Variants in CADPS observed in about 807,000 individuals in gnomAD.
CADPS encodes calcium dependent secretion activator.
Under a neutral mutation model 167.3 loss-of-function variants are expected in CADPS, and 57 were observed. That is an observed-to-expected ratio of 0.34 (90% CI 0.28 to 0.42). The LOEUF is 0.42. CADPS is among the 20% of genes least tolerant of loss of function. The pLI, the probability that CADPS is intolerant of heterozygous loss-of-function variation, is 1.00. For synonymous variants in CADPS, 676 were observed against 635.3 expected (o/e 1.06, Z -0.96); for missense variants, 1,414 against 1,738.1 (o/e 0.81, Z 3.32).
At chr3:62,734,599 T>C (rs1221868157) in intron 3 of CADPS, among the ~76,000 whole-genome samples, 2 of 152,188 alleles carry the variant, frequency 1.3e-5, no homozygotes, top group Non-Finnish European at 2.9e-5. Flanking sequence ...CAATACAATG[T>C]CTATGAGATT....
intron 9 of CADPS, among the ~76,000 whole-genome samples, chr3:62,568,916 G>A (rs2080788846): frequency 6.6e-6 from 1 of 152,056 alleles, no homozygotes; most frequent in Admixed American, 6.5e-5. Context: ...TACTTCTGCT[G>A]TTTGCATATG....
At chr3:62,664,543 T>C (rs531669291) in intron 3 of CADPS, among the ~76,000 whole-genome samples, 92 of 152,330 alleles carry the variant, frequency 6.0e-4, no homozygotes, top group African/African-American at 2.2e-3. Context: ...TTTATTCCCT[T>C]GGGAAGCCCA....
At chr3:62,700,124 C>A (rs1048747781) in intron 3 of CADPS, among the ~76,000 whole-genome samples, 1 of 151,996 alleles carries the variant, frequency 6.6e-6, no homozygotes, top group African/African-American at 2.4e-5. Context: ...TATAAACCAC[C>A]CAGAGGAGTG....
At chr3:62,742,667 A>C (rs2080531541) in intron 3 of CADPS, among the ~76,000 whole-genome samples, 1 of 152,200 alleles carries the variant, frequency 6.6e-6, no homozygotes, top group African/African-American at 2.4e-5. Flanking sequence ...CAAAACTATA[A>C]AAACCCTGGA....
intron 2 of CADPS, among the ~76,000 whole-genome samples, chr3:62,765,349 A>C (rs1179508292): frequency 6.6e-6 from 1 of 152,222 alleles, no homozygotes; most frequent in Non-Finnish European, 1.5e-5. Flanking sequence ...TCTAGAGAAC[A>C]GCACTGCATT....
intron 2 of CADPS, among the ~76,000 whole-genome samples, chr3:62,762,976 G>A (rs781118032): frequency 9.7e-4 from 147 of 152,256 alleles, no homozygotes; most frequent in Non-Finnish European, 1.6e-3. Context: ...GAATGTGAAA[G>A]AGAGGGAATT....
At chr3:62,462,091 G>A (rs1269800180) in intron 26 of CADPS, among the ~76,000 whole-genome samples, 1 of 152,254 alleles carries the variant, frequency 6.6e-6, no homozygotes, top group African/African-American at 2.4e-5. Flanking sequence ...AGAACAGCGA[G>A]TGGCTACCCA....
At position 62,600,873 on chromosome 3, in the gene CADPS, A is replaced by G. The variant is rs528360455; in HGVS notation, c.1326-8125T>C. On this transcript the variant is annotated intron_variant, in intron 6 of 29. Coordinates refer to ENST00000383710, the MANE Select transcript of CADPS (RefSeq NM_003716.4). ...GTGGTCTGCACCTGTAGTCCCAGCTACTCAGGAGGTTGAGGTGGGTGGATT... is the reference window on the plus strand; with the variant it reads ...GTGGTCTGCACCTGTAGTCCCAGCTGCTCAGGAGGTTGAGGTGGGTGGATT... 4.6e-5 allele frequency among the ~76,000 whole-genome samples: 7 copies of G among 152,290 alleles called. No homozygotes were observed. In the South Asian group the frequency reaches 8.3e-4, roughly 18 times the overall value.
intron 8 of CADPS, among the ~76,000 whole-genome samples, 186 bp downstream of exon 8, chr3:62,584,999 A>C (rs990229676): frequency 6.6e-6 from 1 of 152,262 alleles, no homozygotes; most frequent in African/African-American, 2.4e-5. Flanking sequence ...GACAGCAAAA[A>C]TGCAAATACA....
chr3:62,661,798 A>T (rs2073278024), intron 4 of CADPS, among the ~76,000 whole-genome samples: 1 of 152,154 alleles, frequency 6.6e-6, no homozygotes, highest in African/African-American at 2.4e-5. Context: ...GCTGGAAAAC[A>T]GTCAAGAGAT....
chr3:62,592,773 T>C (rs1007012558), intron 6 of CADPS, 25 bp from the exon 7 acceptor site: 3 of 1,547,390 alleles, frequency 1.9e-6, no homozygotes, highest in South Asian at 1.1e-5. Context: ...AAAGAGGTCA[T>C]TGTAGACATA....
At chr3:62,400,619 A>G (rs1705646313) in intron 29 of CADPS, among the ~76,000 whole-genome samples, 1 of 53,140 alleles carries the variant, frequency 1.9e-5, no homozygotes, top group Non-Finnish European at 4.5e-5. Context: ...TTTTTTTTCA[A>G]GATGGCATCT....
intron 1 of CADPS, among the ~76,000 whole-genome samples, chr3:62,855,705 T>A (rs183322193): frequency 6.6e-6 from 1 of 152,300 alleles, no homozygotes; most frequent in East Asian, 1.9e-4. Flanking sequence ...TATTTGCCGA[T>A]TTTGGGGGTA....
intron 1 of CADPS, among the ~76,000 whole-genome samples, chr3:62,839,096 A>C (rs1479417384): frequency 1.3e-5 from 2 of 152,220 alleles, no homozygotes; most frequent in Non-Finnish European, 2.9e-5. Context: ...GATACACATG[A>C]AGATGCTTAT....
intron 1 of CADPS, among the ~76,000 whole-genome samples, chr3:62,778,532 G>A (rs914502278): frequency 6.6e-6 from 1 of 152,054 alleles, no homozygotes; most frequent in African/African-American, 2.4e-5. Context: ...TCTTTAGTCT[G>A]AACTCCCTCA....
intron 6 of CADPS, among the ~76,000 whole-genome samples, chr3:62,618,866 G>A: frequency 6.6e-6 from 1 of 152,166 alleles, no homozygotes; most frequent in East Asian, 1.9e-4. Flanking sequence ...TAGGCATTAT[G>A]CTAGACATTT....
Position 62,438,697 on chromosome 3 carries a change from C to G in CADPS, c.3670-486G>C, listed in dbSNP as rs2055648923. 1 of 160,470 alleles carries G rather than the reference C, an allele frequency of 6.2e-6. No individual in the cohort carries two copies. Among genetic ancestry groups the G allele is most frequent in the Admixed American group, 6.4e-5 (1 of 15,534 alleles). The allele number at this position is 160,470 out of a possible 1,614,324, so 9.9% of individuals were successfully genotyped here. ...AAAAATTGTGTTTCAATCTATACCT[C>G]TTCCTACCCAAGTCTCATTGTGTGT... On this transcript the variant is annotated intron_variant, in intron 27 of 29. Coordinates refer to ENST00000383710, the MANE Select transcript of CADPS (RefSeq NM_003716.4). The surrounding 1 kb of genome is among the most constrained non-coding windows in gnomAD (Gnocchi z 4.7).
chr3:62,592,611 T>C (rs1349600898), intron 7 of CADPS, 26 bp downstream of exon 7: 1 of 1,554,910 alleles, frequency 6.4e-7, no homozygotes, highest in Non-Finnish European at 8.9e-7. Context: ...CTCTGTGGAG[T>C]TCCCCTTGTG....
rs571023522 is a variant in CADPS at position 62,411,789 on chromosome 3, G to A, written c.3778-8604C>T. On this transcript the variant is annotated intron_variant, in intron 28 of 29. Coordinates refer to ENST00000383710, the MANE Select transcript of CADPS (RefSeq NM_003716.4). ...TGGGCAAAGCACTAAAGGACGGCAC[G>A]CAGTTCATAGCAAGTTTCCAGATTT... Among the ~76,000 whole-genome samples the A allele has an allele frequency of 3.9e-5, 6 of 152,334 alleles. No homozygotes were observed. The East Asian group carries it at 5.8e-4, about 15-fold the overall frequency.
Sources: gnomAD v4.1 joint callset for allele counts (sites outside exome capture counted in the v4.1 genomes callset) on GRCh38, gnomAD v4.1.1 for gene constraint, Gnocchi (gnomAD v3.1) non-coding constraint, MANE v1.5 for transcripts, NCBI Gene and HGNC (gene_info 2026-07-23, HGNC 2026-07-21) for gene names.